WDPCP: variants seen among roughly 807,000 people sequenced by gnomAD.
WDPCP encodes WD repeat containing planar cell polarity effector.
WDPCP carries 71 observed loss-of-function variants against 93.1 expected under a neutral mutation model. The ratio of observed to expected loss-of-function variants is 0.76; its 90% CI spans 0.63 to 0.93. The LOEUF is 0.93. Among genes scored for constraint, WDPCP ranks in the 40% least tolerant of loss-of-function variants. WDPCP has a pLI of 0.00. For synonymous variants in WDPCP, 315 were observed against 315.0 expected, an observed-to-expected ratio of 1.00 and a Z score of 0.00; for missense variants, 844 against 887.4, an observed-to-expected ratio of 0.95 and a Z score of 0.62.
intron 1 of WDPCP, among the ~76,000 whole-genome samples, chr2:63,542,007 C>A (rs528464691): frequency 6.6e-6 from 1 of 151,562 alleles, no homozygotes; most frequent in East Asian, 1.9e-4. Flanking sequence ...TTCATACACA[C>A]ACACACTCTC....
rs957433464 is a variant in WDPCP at position 63,506,695 on chromosome 2, A to C, written c.76-13755T>G. Among the ~76,000 whole-genome samples the C allele has an allele frequency of 5.3e-5, 8 of 152,190 alleles. No individual in the cohort carries two copies. The South Asian group carries it at 1.7e-3, about 32-fold the overall frequency. On this transcript the variant is annotated intron_variant, in intron 1 of 17. Coordinates refer to ENST00000272321, the MANE Select transcript of WDPCP (RefSeq NM_015910.7). ...GAACTGAAAACAAGAGAACTGTTTG[A>C]AAGTCTGTGGATATAATACTTAGAA...
At chr2:63,577,252 G>A (rs1708176938) in intron 1 of WDPCP, among the ~76,000 whole-genome samples, 1 of 152,112 alleles carries the variant, frequency 6.6e-6, no homozygotes, top group Admixed American at 6.6e-5. Flanking sequence ...AGTAGTTCTG[G>A]CTGGCCTGGG....
intron 2 of WDPCP, among the ~76,000 whole-genome samples, chr2:63,809,228 G>T (rs549968528): frequency 0.01 from 1,564 of 151,592 alleles, 10 homozygotes; most frequent in South Asian, 0.022. Context: ...CTGCCCGGCT[G>T]CCCCTACTAG....
intron 12 of WDPCP, among the ~76,000 whole-genome samples, chr2:63,320,317 AAG>A (rs1227446249): frequency 7.9e-5 from 12 of 152,220 alleles, no homozygotes; most frequent in African/African-American, 2.7e-4. Flanking sequence ...CACCGTAAGA[AAG>A]ACTAAAAGAA....
At chr2:63,393,185 C>G (rs373272359) in intron 10 of WDPCP, among the ~76,000 whole-genome samples, 1 of 152,166 alleles carries the variant, frequency 6.6e-6, no homozygotes, top group East Asian at 1.9e-4. Context: ...CACATATACA[C>G]CATGGAATAC....
chr2:63,668,272 C>G (rs923152798), intron 2 of WDPCP, among the ~76,000 whole-genome samples: 30 of 152,134 alleles, frequency 2.0e-4, no homozygotes, highest in African/African-American at 6.8e-4. Context: ...CATCCCCTCT[C>G]CCACCACTCC....
At chr2:63,824,034 C>G (rs1191282907) in intron 1 of WDPCP, among the ~76,000 whole-genome samples, 5 of 152,112 alleles carry the variant, frequency 3.3e-5, no homozygotes, top group Admixed American at 1.3e-4. Flanking sequence ...TGTCCCCTCT[C>G]AAATCTCATC....
At chr2:63,303,341 T>C (rs80102535) in intron 13 of WDPCP, among the ~76,000 whole-genome samples, 4 of 152,108 alleles carry the variant, frequency 2.6e-5, no homozygotes, top group Non-Finnish European at 4.4e-5. Context: ...CTAAGAAGGT[T>C]TGCAGCTGCT....
intron 10 of WDPCP, among the ~76,000 whole-genome samples, chr2:63,391,422 C>T (rs961443849): frequency 1.3e-5 from 2 of 152,072 alleles, no homozygotes; most frequent in African/African-American, 4.8e-5. Context: ...ATGACAAACC[C>T]ACAGCCAATA....
intron 17 of WDPCP, among the ~76,000 whole-genome samples, chr2:63,136,513 G>C (rs559586394): frequency 6.6e-6 from 1 of 152,030 alleles, no homozygotes; most frequent in Admixed American, 6.6e-5. Context: ...TGCATTTTAC[G>C]GGGGAGGGAA....
At chr2:63,186,800 TG>T (rs1258431075) in intron 14 of WDPCP, among the ~76,000 whole-genome samples, 1 of 150,774 alleles carries the variant, frequency 6.6e-6, no homozygotes, top group African/African-American at 2.4e-5. Context: ...CACTGTTTTG[TG>T]TGTGTGTGTG....
intron 1 of WDPCP, among the ~76,000 whole-genome samples, chr2:63,558,868 T>C (rs1706351170): frequency 6.6e-6 from 1 of 152,168 alleles, no homozygotes; most frequent in African/African-American, 2.4e-5. Flanking sequence ...GAGGAACTAG[T>C]ACCATTTCTT....
chr2:63,414,989 CAACT>C (rs2105302227), intron 9 of WDPCP, among the ~76,000 whole-genome samples: 1 of 152,262 alleles, frequency 6.6e-6, no homozygotes, highest in African/African-American at 2.4e-5. Flanking sequence ...GCTGTCTTCT[CAACT>C]AACTGTCCAC....
At chr2:63,555,557 C>G (rs1370223608) in intron 1 of WDPCP, among the ~76,000 whole-genome samples, 2 of 152,196 alleles carry the variant, frequency 1.3e-5, no homozygotes, top group Non-Finnish European at 2.9e-5. Flanking sequence ...CCCCCCGCAA[C>G]AGGGGTTGCA....
At chr2:63,133,028 C>G (rs1425725004) in intron 17 of WDPCP, among the ~76,000 whole-genome samples, 1 of 152,186 alleles carries the variant, frequency 6.6e-6, no homozygotes, top group East Asian at 1.9e-4. Context: ...CATGGAAGTC[C>G]TTTCCTAATT....
intron 9 of WDPCP, among the ~76,000 whole-genome samples, chr2:63,412,451 T>A (rs1695087240): frequency 6.6e-6 from 1 of 152,098 alleles, no homozygotes; most frequent in Non-Finnish European, 1.5e-5. Flanking sequence ...TTGAAAGTAT[T>A]CCCTCTGAAA....
chr2:63,528,903 G>C (rs1487581306), intron 1 of WDPCP, among the ~76,000 whole-genome samples: 1 of 152,170 alleles, frequency 6.6e-6, no homozygotes, highest in Non-Finnish European at 1.5e-5. Flanking sequence ...GCAGTGGTTT[G>C]TAGTTCTCCT....
intron 2 of WDPCP, among the ~76,000 whole-genome samples, chr2:63,660,889 T>A (rs166385): frequency 0.8 from 121,935 of 152,150 alleles, 49,288 homozygotes; most frequent in East Asian, 0.98. Context: ...TATTTTTTCC[T>A]TATCACTAAA....
chr2:63,397,011 T>A (rs1693784796), intron 10 of WDPCP, among the ~76,000 whole-genome samples: 1 of 152,128 alleles, frequency 6.6e-6, no homozygotes, highest in Non-Finnish European at 1.5e-5. Flanking sequence ...AGCTGGAGAA[T>A]CCATGACCAA....
Sources: gnomAD v4.1 joint callset for allele counts (sites outside exome capture counted in the v4.1 genomes callset) on GRCh38, gnomAD v4.1.1 for gene constraint, MANE v1.5 for transcripts, NCBI Gene and HGNC (gene_info 2026-07-23, HGNC 2026-07-21) for gene names.